Variants in NLGN1 observed in about 807,000 individuals in gnomAD.
The protein encoded by NLGN1 is neuroligin 1, also known as neuroligin-1.
Under a neutral mutation model 65.5 loss-of-function variants are expected in NLGN1, and 12 were observed. That is an observed-to-expected ratio of 0.18 (90% confidence interval 0.12 to 0.30). The LOEUF (loss-of-function observed/expected upper bound fraction) is 0.30. Among genes scored for constraint, NLGN1 ranks in the 10% least tolerant of loss-of-function variants. NLGN1 has a pLI of 1.00. For synonymous variants in NLGN1, 350 were observed against 359.5 expected (o/e 0.97, Z 0.30); for missense variants, 750 against 1,007.1 (o/e 0.74, Z 3.46).
At chr3:173,433,880 A>G (rs1178667702) in intron 1 of NLGN1, among the ~76,000 whole-genome samples, 1 of 152,194 alleles carries the variant, frequency 6.6e-6, no homozygotes, top group African/African-American at 2.4e-5. Flanking sequence ...AAGTTGCTTA[A>G]ATAAAAGTGT....
At chr3:173,521,921 T>C (rs927333132) in intron 2 of NLGN1, among the ~76,000 whole-genome samples, 15 of 152,208 alleles carry the variant, frequency 9.9e-5, no homozygotes, top group Admixed American at 2.6e-4. Context: ...ATACATTCTA[T>C]GCATTTTCTT....
At chr3:173,632,005 T>G (rs1317345096) in intron 3 of NLGN1, among the ~76,000 whole-genome samples, 1 of 152,054 alleles carries the variant, frequency 6.6e-6, no homozygotes, top group Non-Finnish European at 1.5e-5. Flanking sequence ...CTTGGAAAAT[T>G]GTATTTATAA....
At chr3:173,595,060 G>C (rs1356463619) in intron 2 of NLGN1, among the ~76,000 whole-genome samples, 1 of 152,178 alleles carries the variant, frequency 6.6e-6, no homozygotes, top group African/African-American at 2.4e-5. Flanking sequence ...TGCCCTGGAG[G>C]CATTTTAACC....
At chr3:173,896,766 C>A (rs534234095) in intron 4 of NLGN1, among the ~76,000 whole-genome samples, 10 of 152,278 alleles carry the variant, frequency 6.6e-5, no homozygotes, top group African/African-American at 2.2e-4. Context: ...CCAGCTGTCT[C>A]AATGCCACCT....
chr3:173,713,846 A>C (rs1769393981), intron 3 of NLGN1, among the ~76,000 whole-genome samples: 1 of 152,108 alleles, frequency 6.6e-6, no homozygotes. Flanking sequence ...AACAAATCAC[A>C]TATGTACCCT....
intron 2 of NLGN1, among the ~76,000 whole-genome samples, chr3:173,575,353 C>G (rs1745344411): frequency 6.6e-6 from 1 of 152,116 alleles, no homozygotes; most frequent in Admixed American, 6.5e-5. Context: ...TTTCATGGCA[C>G]TTTTTCATGG....
intron 3 of NLGN1, among the ~76,000 whole-genome samples, chr3:173,804,657 C>CAAA (rs34786560): frequency 2.0e-3 from 280 of 137,986 alleles, no homozygotes; most frequent in African/African-American, 2.5e-3. Flanking sequence ...CTATTTACAT[C>CAAA]AAAAAAAAAA....
chr3:173,845,999 G>T (rs1287035147), intron 4 of NLGN1, among the ~76,000 whole-genome samples: 5 of 151,822 alleles, frequency 3.3e-5, no homozygotes, highest in African/African-American at 1.2e-4. Context: ...GCCCAGGCTG[G>T]TCAGCTCCTG....
At chr3:173,881,325 C>A (rs1733217782) in intron 4 of NLGN1, among the ~76,000 whole-genome samples, 1 of 151,608 alleles carries the variant, frequency 6.6e-6, no homozygotes, top group Non-Finnish European at 1.5e-5. Context: ...TCTCAATCTC[C>A]TGACCTTGTG....
intron 4 of NLGN1, among the ~76,000 whole-genome samples, chr3:174,264,948 G>C (rs546454532): frequency 6.6e-6 from 1 of 152,148 alleles, no homozygotes; most frequent in Non-Finnish European, 1.5e-5. Context: ...TGCTGTGTGA[G>C]GTGTCAGTGT....
intron 4 of NLGN1, among the ~76,000 whole-genome samples, chr3:174,242,912 G>A (rs945943615): frequency 2.6e-5 from 4 of 151,858 alleles, no homozygotes; most frequent in Non-Finnish European, 4.4e-5. Flanking sequence ...ATGATCTAAC[G>A]GCGTTAAATG....
At chr3:173,975,035 G>A (rs1199217006) in intron 4 of NLGN1, among the ~76,000 whole-genome samples, 1 of 152,062 alleles carries the variant, frequency 6.6e-6, no homozygotes, top group Non-Finnish European at 1.5e-5. Flanking sequence ...GAGACAGAGA[G>A]AAGATTGGCT....
chr3:173,511,370 C>T (rs1388683770), intron 2 of NLGN1, among the ~76,000 whole-genome samples: 1 of 152,156 alleles, frequency 6.6e-6, no homozygotes, highest in Non-Finnish European at 1.5e-5. Flanking sequence ...CAGTTGGTAC[C>T]TGCATTGATA....
At chr3:173,590,660 C>T (rs1346900087) in intron 2 of NLGN1, among the ~76,000 whole-genome samples, 1 of 152,002 alleles carries the variant, frequency 6.6e-6, no homozygotes, top group Non-Finnish European at 1.5e-5. Flanking sequence ...AAACATGTAA[C>T]CTCTTTATGT....
intron 4 of NLGN1, among the ~76,000 whole-genome samples, chr3:174,191,651 C>G (rs1350822055): frequency 1.3e-5 from 2 of 152,156 alleles, no homozygotes; most frequent in Non-Finnish European, 2.9e-5. Context: ...TATGAAGAAG[C>G]TGCTAACAGG....
chr3:173,558,744 T>G (rs946945417), intron 2 of NLGN1, among the ~76,000 whole-genome samples: 2 of 152,206 alleles, frequency 1.3e-5, no homozygotes, highest in African/African-American at 4.8e-5. Flanking sequence ...TTCTGTTACC[T>G]GGGCCATTTG....
At chr3:173,592,244 A>G (rs1020695041) in intron 2 of NLGN1, among the ~76,000 whole-genome samples, 2 of 152,226 alleles carry the variant, frequency 1.3e-5, no homozygotes, top group African/African-American at 4.8e-5. Context: ...TTATATAGTT[A>G]ATGTTAAATT....
At chr3:173,626,598 G>A (rs1754857724) in intron 3 of NLGN1, among the ~76,000 whole-genome samples, 1 of 151,942 alleles carries the variant, frequency 6.6e-6, no homozygotes, top group Non-Finnish European at 1.5e-5. Context: ...ATATTTTTTA[G>A]AAATATAAAG....
intron 3 of NLGN1, among the ~76,000 whole-genome samples, chr3:173,714,303 G>C (rs966667088): frequency 2.6e-5 from 4 of 152,022 alleles, no homozygotes; most frequent in Admixed American, 1.3e-4. Flanking sequence ...CTAAAGTTGG[G>C]GCCACTACTA....
Sources: gnomAD v4.1 joint callset for allele counts (sites outside exome capture counted in the v4.1 genomes callset) on GRCh38, gnomAD v4.1.1 for gene constraint, MANE v1.5 for transcripts, NCBI Gene and HGNC (gene_info 2026-07-23, HGNC 2026-07-21) for gene names.